BNC2: variants seen among roughly 807,000 people sequenced by gnomAD.
BNC2 encodes zinc finger protein basonuclin-2.
Under a neutral mutation model 76.3 loss-of-function variants are expected in BNC2, and 20 were observed. The observed-to-expected ratio is 0.26, with a 90% confidence interval of 0.18 to 0.38. BNC2 has a LOEUF of 0.38. BNC2 is among the 10% of genes least tolerant of loss of function. The probability of loss-of-function intolerance (pLI) is 1.00; values close to 1 mark genes in which losing one functional copy is unlikely to be tolerated. For missense variants in BNC2, 1,382 were observed against 1,399.8 expected, an observed-to-expected ratio of 0.99 and a Z score of 0.20; for synonymous variants, 582 against 514.8, an observed-to-expected ratio of 1.13 and a Z score of -1.77.
chr9:16,490,922 A>G (rs1822265664), intron 5 of BNC2, among the ~76,000 whole-genome samples: 1 of 152,140 alleles, frequency 6.6e-6, no homozygotes, highest in South Asian at 2.1e-4. Flanking sequence ...GAAGAGAGTC[A>G]AGCAGAATTG....
At chr9:16,580,665 C>CT (rs1236024529) in intron 4 of BNC2, among the ~76,000 whole-genome samples, 4 of 152,098 alleles carry the variant, frequency 2.6e-5, no homozygotes. Flanking sequence ...ACACAGTTAA[C>CT]TTTTATACTC....
intron 5 of BNC2, among the ~76,000 whole-genome samples, chr9:16,471,992 A>G (rs1821835786): frequency 6.6e-6 from 1 of 152,310 alleles, no homozygotes; most frequent in Middle Eastern, 3.4e-3. Flanking sequence ...TGCCTCTGCC[A>G]TGTAAGAAGT....
chr9:16,781,012 A>G (rs67762885), intron 1 of BNC2, among the ~76,000 whole-genome samples: 33,481 of 151,952 alleles, frequency 0.22, 4,779 homozygotes, highest in East Asian at 0.71. Context: ...TTTGTTTGAA[A>G]AAAAAAGAGA....
At chr9:16,603,821 AT>A (rs965041826) in intron 3 of BNC2, among the ~76,000 whole-genome samples, 1 of 151,900 alleles carries the variant, frequency 6.6e-6, no homozygotes, top group African/African-American at 2.4e-5. Context: ...CTTTTCTTTA[AT>A]TTTTTTTCTG....
intron 5 of BNC2, among the ~76,000 whole-genome samples, chr9:16,533,615 T>C (rs759195193): frequency 2.6e-4 from 40 of 152,144 alleles, no homozygotes; most frequent in Non-Finnish European, 4.4e-4. Context: ...TAAACCTAGG[T>C]AGGAAGAAAA....
chr9:16,449,548 C>T (rs1203753264), intron 5 of BNC2, among the ~76,000 whole-genome samples: 1 of 152,042 alleles, frequency 6.6e-6, no homozygotes, highest in African/African-American at 2.4e-5. Flanking sequence ...CATTGTGTCA[C>T]CGTAAATGAA....
At chr9:16,582,120 T>G (rs557183298) in intron 4 of BNC2, among the ~76,000 whole-genome samples, 1 of 152,158 alleles carries the variant, frequency 6.6e-6, no homozygotes, top group Admixed American at 6.5e-5. Context: ...TATGTCCACT[T>G]AAGAGGCAAT....
chr9:16,516,801 C>G (rs146680339), intron 5 of BNC2, among the ~76,000 whole-genome samples: 1 of 152,102 alleles, frequency 6.6e-6, no homozygotes, highest in African/African-American at 2.4e-5. Context: ...TAAAATTTGT[C>G]GTATTAAAAG....
At chr9:16,802,685 A>C (rs1010620965) in intron 1 of BNC2, among the ~76,000 whole-genome samples, 1 of 152,190 alleles carries the variant, frequency 6.6e-6, no homozygotes, top group Non-Finnish European at 1.5e-5. Flanking sequence ...ACAAGGACCG[A>C]AGGGTTTTTG....
intron 3 of BNC2, among the ~76,000 whole-genome samples, chr9:16,595,659 T>C (rs1020412169): frequency 6.6e-6 from 1 of 152,182 alleles, no homozygotes; most frequent in Non-Finnish European, 1.5e-5. Flanking sequence ...GACATCTATA[T>C]GAATCTGAAG....
At chr9:16,560,219 A>C (rs545557321) in intron 4 of BNC2, among the ~76,000 whole-genome samples, 1 of 152,336 alleles carries the variant, frequency 6.6e-6, no homozygotes, top group East Asian at 1.9e-4. Context: ...CCATACTCTG[A>C]GAATCACTGA....
At chr9:16,865,495 G>C (rs1036021658) in intron 1 of BNC2, among the ~76,000 whole-genome samples, 4 of 152,182 alleles carry the variant, frequency 2.6e-5, no homozygotes, top group African/African-American at 4.8e-5. Context: ...GTAATTGTAA[G>C]TGATTGCAAC....
intron 5 of BNC2, among the ~76,000 whole-genome samples, chr9:16,509,057 T>C (rs1355025437): frequency 6.6e-6 from 1 of 152,044 alleles, no homozygotes; most frequent in Non-Finnish European, 1.5e-5. Flanking sequence ...CTTGAACTCC[T>C]GGCCTCAAAC....
chr9:16,481,934 G>C (rs1822065500), intron 5 of BNC2, among the ~76,000 whole-genome samples: 1 of 152,132 alleles, frequency 6.6e-6, no homozygotes, highest in African/African-American at 2.4e-5. Context: ...TATAATCTTA[G>C]TACCAACTTC....
At chr9:16,661,680 G>C (rs1013561464) in intron 3 of BNC2, among the ~76,000 whole-genome samples, 9 of 152,054 alleles carry the variant, frequency 5.9e-5, no homozygotes, top group African/African-American at 2.2e-4. Context: ...TATTTCTAAA[G>C]ACTACATGTG....
At chr9:16,513,482 A>G (rs1476248791) in intron 5 of BNC2, among the ~76,000 whole-genome samples, 2 of 151,504 alleles carry the variant, frequency 1.3e-5, no homozygotes, top group East Asian at 2.0e-4. Flanking sequence ...AATTTTTTGT[A>G]TTTTTAGTGG....
chr9:16,718,052 C>T (rs987514945), intron 3 of BNC2, among the ~76,000 whole-genome samples: 23 of 152,254 alleles, frequency 1.5e-4, no homozygotes, highest in African/African-American at 5.5e-4. Flanking sequence ...ATGAATGTGG[C>T]CCGGGATGCA....
intron 1 of BNC2, among the ~76,000 whole-genome samples, chr9:16,847,396 C>CGGG (rs200844827): frequency 2.0e-4 from 4 of 20,052 alleles, no homozygotes; most frequent in Admixed American, 1.2e-3. Flanking sequence ...GAAGATTTCT[C>CGGG]GGGGCGGGGG....
intron 1 of BNC2, among the ~76,000 whole-genome samples, chr9:16,805,517 G>A (rs557581048): frequency 6.6e-6 from 1 of 151,784 alleles, no homozygotes; most frequent in Non-Finnish European, 1.5e-5. Flanking sequence ...TAGTACAGAC[G>A]GGGTTTCATC....
Sources: allele counts gnomAD v4.1 joint callset (sites outside exome capture counted in the v4.1 genomes callset), GRCh38; gene constraint gnomAD v4.1.1; transcripts MANE v1.5; gene names NCBI Gene and HGNC (gene_info 2026-07-23, HGNC 2026-07-21).